Variants in NEMF observed in about 807,000 individuals in gnomAD.
NEMF encodes the protein ribosome quality control complex subunit NEMF.
NEMF carries 89 observed loss-of-function variants against 162.2 expected under a neutral mutation model. The ratio of observed to expected loss-of-function variants is 0.55; its 90% CI spans 0.46 to 0.65. The LOEUF (loss-of-function observed/expected upper bound fraction) is 0.65. NEMF is among the 30% of genes least tolerant of loss of function. NEMF has a pLI of 0.00. For missense variants in NEMF, 1,133 were observed against 1,261.9 expected (o/e 0.90, Z 1.55); for synonymous variants, 421 against 404.5 (o/e 1.04, Z -0.49).
intron 16 of NEMF, among the ~76,000 whole-genome samples, chr14:49,818,665 GA>G (rs2139920628): frequency 6.6e-6 from 1 of 152,176 alleles, no homozygotes; most frequent in African/African-American, 2.4e-5. Context: ...AAGATCTCTG[GA>G]CAAGGGTAAA....
rs530800825 is a variant in NEMF at position 49,831,988 on chromosome 14, A to G, written c.882+63T>C. The G allele has an allele frequency of 8.0e-5, 86 of 1,072,244 alleles. 1 individual carries two copies. In the South Asian group the frequency reaches 1.3e-3, roughly 17 times the overall value. 66.4% of individuals were successfully genotyped at this position (1,072,244 alleles called of 1,614,324 possible). On this transcript the variant is annotated intron_variant, in intron 10 of 32. Coordinates refer to ENST00000298310, the MANE Select transcript of NEMF (RefSeq NM_004713.6). The stretch of plus-strand genomic sequence containing the variant: ...TAGTTTCAGTTTCTCAATAGAAGCA[A>G]GTTGATATCAACAGCTCATATCATG...
intron 18 of NEMF, among the ~76,000 whole-genome samples, chr14:49,807,365 A>G (rs1456663567): frequency 6.6e-6 from 1 of 152,236 alleles, no homozygotes; most frequent in Non-Finnish European, 1.5e-5. Flanking sequence ...AGTTTTGTGT[A>G]GACACATACC....
intron 26 of NEMF, among the ~76,000 whole-genome samples, chr14:49,795,280 C>T (rs567781051): frequency 8.4e-5 from 12 of 143,382 alleles, no homozygotes; most frequent in Non-Finnish European, 1.5e-4. Flanking sequence ...AAGGCTAGTG[C>T]AGTGAGCCCT....
At chr14:49,813,567 C>G (rs1891577701) in intron 18 of NEMF, among the ~76,000 whole-genome samples, 1 of 152,088 alleles carries the variant, frequency 6.6e-6, no homozygotes, top group South Asian at 2.1e-4. Flanking sequence ...TTGCTTTATG[C>G]ATTCTAGGGC....
chr14:49,813,692 T>C (rs904826235), intron 18 of NEMF, among the ~76,000 whole-genome samples: 3 of 151,478 alleles, frequency 2.0e-5, no homozygotes, highest in Non-Finnish European at 4.4e-5. Context: ...TGTGTGTGTG[T>C]GTGTGTCACC....
At chr14:49,786,913 G>A (rs1284534406) in intron 28 of NEMF, 163 bp from the exon 29 acceptor site, 2 of 611,586 alleles carry the variant, frequency 3.3e-6, no homozygotes, top group East Asian at 2.8e-5. Context: ...ACTCTGAAGT[G>A]GATTCGTATA....
At chr14:49,794,677 A>G (rs2139839889) in intron 26 of NEMF, among the ~76,000 whole-genome samples, 1 of 150,204 alleles carries the variant, frequency 6.7e-6, no homozygotes, top group Non-Finnish European at 1.5e-5. Context: ...GGGTACACTG[A>G]TAAATTAGCC....
chr14:49,831,600 G>A (rs565546750), intron 10 of NEMF, among the ~76,000 whole-genome samples: 10 of 152,030 alleles, frequency 6.6e-5, no homozygotes, highest in African/African-American at 2.2e-4. Context: ...ACCACACACC[G>A]CTAATTTTTG....
At chr14:49,801,008 A>C (rs982446650) in intron 22 of NEMF, 1 of 290,056 alleles carries the variant, frequency 3.4e-6, no homozygotes, top group African/African-American at 2.2e-5. Flanking sequence ...AATTAGTTGC[A>C]TAACTTTTGC....
intron 26 of NEMF, among the ~76,000 whole-genome samples, chr14:49,792,770 A>T (rs1890513331): frequency 6.6e-6 from 1 of 152,182 alleles, no homozygotes; most frequent in African/African-American, 2.4e-5. Context: ...ACTTGAGCCT[A>T]GGAGTTAGAC....
Position 49,816,001 on chromosome 14 carries a change from G to A in NEMF, c.1578-1144C>T, listed in dbSNP as rs1460210025. ...AATAAAAAACAAAAAATATAAAAAA[G>A]ATAGTGAGAGATCCTGCATCCCTTC... On this transcript the variant is annotated intron_variant, in intron 16 of 32. Transcript: ENST00000298310. Among the ~76,000 whole-genome samples, 3 of 152,056 alleles carry A rather than the reference G, an allele frequency of 2.0e-5. No individual in the cohort carries two copies. The South Asian group carries it at 6.2e-4, about 32-fold the overall frequency.
intron 3 of NEMF, 86 bp from the exon 4 acceptor site, chr14:49,846,351 T>C (rs1893501490): frequency 1.6e-6 from 2 of 1,226,444 alleles, no homozygotes; most frequent in Non-Finnish European, 2.3e-6. Flanking sequence ...CTTCTTTTCA[T>C]TATCATCAGG....
chr14:49,848,422 G>A (rs180767824), intron 3 of NEMF, among the ~76,000 whole-genome samples: 9 of 152,230 alleles, frequency 5.9e-5, no homozygotes, highest in African/African-American at 1.9e-4. Flanking sequence ...AAATATTGAA[G>A]TATGACATGG....
At position 49,851,632 on chromosome 14, in the gene NEMF, A is replaced by C. The variant is rs1268156423; in HGVS notation, c.162T>G (p.Ser54=). 8.7e-6 allele frequency: 14 copies of C among 1,613,910 alleles called. No homozygotes were observed. The highest frequency in any genetic ancestry group is 1.2e-5 in the Non-Finnish European group (14 of 1,179,950). The stretch of plus-strand genomic sequence containing the variant: ...ATTCTGTTGTATGAATTCGTATGCC[A>C]GATTCAAGTAAAAGTGTAGCTTTAA... The part of the protein sequence containing the change: ...PDFKATLLLE[S]GIRIHTTEFE... Residue 54 remains serine (S), a synonymous_variant, in exon 3 of 33, where the codon TCT becomes TCG. Coordinates refer to ENST00000298310, the MANE Select transcript of NEMF (RefSeq NM_004713.6).
intron 23 of NEMF, 28 bp downstream of exon 23, chr14:49,800,392 A>G: frequency 6.6e-7 from 1 of 1,504,832 alleles, no homozygotes; most frequent in South Asian, 1.2e-5. Context: ...CTTACACAAT[A>G]ATATGTAAAA....
At chr14:49,822,184 C>T (rs1261587394) in intron 16 of NEMF, among the ~76,000 whole-genome samples, 2 of 152,110 alleles carry the variant, frequency 1.3e-5, no homozygotes, top group East Asian at 3.9e-4. Flanking sequence ...CCTAGGAAAA[C>T]CAGAGACCTT....
At chr14:49,800,935 C>G (rs953872316) in intron 22 of NEMF, 60 of 426,736 alleles carry the variant, frequency 1.4e-4, no homozygotes, top group African/African-American at 1.1e-3. Flanking sequence ...ACATTGCTAC[C>G]CTTTCAACAA....
At chr14:49,818,453 C>T (rs1316416993) in intron 16 of NEMF, 1 of 152,044 alleles carries the variant, frequency 6.6e-6, no homozygotes, top group Non-Finnish European at 1.5e-5. Context: ...ACTAAATTTG[C>T]AATGTAAAAC....
chr14:49,804,667 T>A (rs201656841), intron 19 of NEMF, among the ~76,000 whole-genome samples: 1 of 148,382 alleles, frequency 6.7e-6, no homozygotes, highest in Non-Finnish European at 1.5e-5. Context: ...TTCCATCTCA[T>A]AAAAAAAAAA....
Sources: gnomAD v4.1 joint callset for allele counts (sites outside exome capture counted in the v4.1 genomes callset) on GRCh38, gnomAD v4.1.1 for gene constraint, MANE v1.5 for transcripts, NCBI Gene and HGNC (gene_info 2026-07-23, HGNC 2026-07-21) for gene names.